Variants in PLB1 observed in about 807,000 individuals in gnomAD.
The protein encoded by PLB1 is phospholipase B1, membrane-associated.
A neutral mutation model predicts 227.4 loss-of-function variants in PLB1; 242 were observed. That is an observed-to-expected ratio of 1.06 (90% CI 0.96 to 1.18). The LOEUF (loss-of-function observed/expected upper bound fraction) is 1.18, where lower values mean the gene tolerates loss of function less well. PLB1 is among the 50% of genes most tolerant of loss of function. The probability of loss-of-function intolerance (pLI) is 0.00; values close to 1 mark genes in which losing one functional copy is unlikely to be tolerated. For synonymous variants in PLB1, 757 were observed against 682.2 expected (o/e 1.11, Z -1.71); for missense variants, 1,858 against 1,816.3 (o/e 1.02, Z -0.42).
chr2:28,523,927 C>T (rs1250127612), intron 4 of PLB1, among the ~76,000 whole-genome samples: 2 of 152,226 alleles, frequency 1.3e-5, no homozygotes, highest in African/African-American at 4.8e-5. Context: ...ATTACCTAAC[C>T]TGTCGGGTGT....
At chr2:28,589,967 C>G in intron 28 of PLB1, 38 bp from the exon 29 acceptor site, 1 of 1,582,522 alleles carries the variant, frequency 6.3e-7, no homozygotes, top group Non-Finnish European at 8.7e-7. Context: ...TTCTGGCCGC[C>G]TCTTCCTCAC....
intron 17 of PLB1, among the ~76,000 whole-genome samples, chr2:28,561,919 T>C (rs141533774): frequency 0.02 from 525 of 26,574 alleles, 2 homozygotes; most frequent in African/African-American, 0.033. Flanking sequence ...AATGTATTGA[T>C]ACATGCTATA....
chr2:28,533,112 G>T (rs1671233555), intron 9 of PLB1, among the ~76,000 whole-genome samples: 1 of 152,118 alleles, frequency 6.6e-6, no homozygotes, highest in African/African-American at 2.4e-5. Context: ...TCTGGAGGTG[G>T]TGGTTTCTTT....
intron 56 of PLB1, among the ~76,000 whole-genome samples, chr2:28,635,150 A>T (rs1428977282): frequency 6.6e-6 from 1 of 152,148 alleles, no homozygotes; most frequent in African/African-American, 2.4e-5. Context: ...AAAATAACAA[A>T]AACAAAACTA....
chr2:28,518,221 CCT>C (rs1669080917), intron 2 of PLB1, among the ~76,000 whole-genome samples: 1 of 152,094 alleles, frequency 6.6e-6, no homozygotes, highest in Non-Finnish European at 1.5e-5. Flanking sequence ...ATCTTTCTTC[CCT>C]CTCTACTCCA....
intron 13 of PLB1, among the ~76,000 whole-genome samples, 169 bp from the exon 14 acceptor site, chr2:28,543,043 C>T (rs1037180829): frequency 2.6e-5 from 4 of 152,160 alleles, no homozygotes; most frequent in Non-Finnish European, 5.9e-5. Context: ...GCCCTGACCC[C>T]AGACGGTGGT....
intron 9 of PLB1, among the ~76,000 whole-genome samples, chr2:28,535,412 G>C (rs867688450): frequency 3.9e-5 from 6 of 152,160 alleles, no homozygotes; most frequent in Admixed American, 1.3e-4. Context: ...CCTAGGCCTG[G>C]CTCCTTTGGC....
intron 44 of PLB1, among the ~76,000 whole-genome samples, 200 bp downstream of exon 44, chr2:28,614,296 C>T (rs542835487): frequency 1.1e-4 from 16 of 152,142 alleles, no homozygotes; most frequent in Non-Finnish European, 1.9e-4. Flanking sequence ...GCTTACCTGA[C>T]GTCAGCCCCC....
intron 53 of PLB1, 99 bp downstream of exon 53, chr2:28,629,284 C>A: frequency 9.4e-7 from 1 of 1,059,928 alleles, no homozygotes; most frequent in Non-Finnish European, 1.4e-6. Context: ...GCCAGGCAGG[C>A]CTGCCAGAGG....
At chr2:28,620,443 G>T (rs755936793) in intron 47 of PLB1, 111 bp downstream of exon 47, 4 of 1,341,404 alleles carry the variant, frequency 3.0e-6, no homozygotes, top group Admixed American at 4.6e-5. Context: ...AGGTCCCAGC[G>T]CTGAGACAGG....
In PLB1 at chr2:28,614,040, T is replaced by C. The variant is rs180979575; in HGVS notation, c.3139T>C (p.Phe1047Leu). Reference sequence around the variant, plus strand: ...TTTTTTTTTCTCTTAGAATGAGCCCTTCCTGAGAACCCCTCGGAATAGTAA... The same window carrying C: ...TTTTTTTTTCTCTTAGAATGAGCCCCTCCTGAGAACCCCTCGGAATAGTAA... ...PITCPTQNEP[F>L]LRTPRNSNYT... The change falls in exon 44 of 58, where the codon TTC (phenylalanine) becomes CTC (leucine). Residue 1047 changes from phenylalanine (F) to leucine (L), a missense_variant. By Grantham distance (22) the Phe-to-Leu change is conservative. Transcript: ENST00000327757. 50 of 1,612,430 alleles carry C rather than the reference T, an allele frequency of 3.1e-5. No homozygotes were observed. Among genetic ancestry groups the C allele is most frequent in the Admixed American group, 2.8e-4 (17 of 59,970 alleles).
In PLB1 at chr2:28,593,727, C is replaced by G; in HGVS notation, c.2294C>G (p.Thr765Ser). Residue 765 changes from threonine (T) to serine (S), a missense_variant, in exon 33 of 58, where the codon ACC (threonine) becomes AGC (serine). Physicochemically the swap from Thr to Ser is moderately conservative, Grantham distance 58. Coordinates refer to ENST00000327757, the MANE Select transcript of PLB1 (RefSeq NM_153021.5). ...AAACCAGACGACCTCCCCGATGTCACCACACAGTATCGGGGACTGTCATAC... is the reference window on the plus strand; with the variant it reads ...AAACCAGACGACCTCCCCGATGTCAGCACACAGTATCGGGGACTGTCATAC... ...GSKPDDLPDV[T>S]TQYRGLSYSA... 1.2e-6 allele frequency: 2 copies of G among 1,614,056 alleles called. No individual in the cohort carries two copies. The highest frequency in any genetic ancestry group is 1.7e-6 in the Non-Finnish European group (2 of 1,179,964).
At chr2:28,577,111 A>G (rs1341699026) in intron 21 of PLB1, among the ~76,000 whole-genome samples, 3 of 152,208 alleles carry the variant, frequency 2.0e-5, no homozygotes, top group Non-Finnish European at 4.4e-5. Flanking sequence ...TGAAGAAGGT[A>G]TGTTACCATG....
intron 16 of PLB1, among the ~76,000 whole-genome samples, chr2:28,551,344 A>C (rs1300188489): frequency 6.6e-6 from 1 of 152,048 alleles, no homozygotes; most frequent in Non-Finnish European, 1.5e-5. Flanking sequence ...GGCACCCTGC[A>C]CTCCTCTGGG....
chr2:28,633,128 A>G, intron 56 of PLB1, 89 bp downstream of exon 56: 1 of 1,144,312 alleles, frequency 8.7e-7, no homozygotes, highest in Non-Finnish European at 1.3e-6. Context: ...TACTGGAGAC[A>G]TGGCTCCTTT....
At chr2:28,635,893 G>T (rs1446721771) in intron 56 of PLB1, among the ~76,000 whole-genome samples, 1 of 152,178 alleles carries the variant, frequency 6.6e-6, no homozygotes, top group Non-Finnish European at 1.5e-5. Flanking sequence ...GACAGCTCCA[G>T]CCTCCTAACT....
intron 3 of PLB1, 109 bp downstream of exon 3, chr2:28,518,641 C>G: frequency 2.7e-6 from 2 of 750,490 alleles, no homozygotes; most frequent in East Asian, 5.1e-5. Flanking sequence ...TTCAAGTCCT[C>G]CTCTTCCTTA....
At chr2:28,556,748 C>T (rs1484681894) in intron 17 of PLB1, among the ~76,000 whole-genome samples, 1 of 152,136 alleles carries the variant, frequency 6.6e-6, no homozygotes, top group Non-Finnish European at 1.5e-5. Flanking sequence ...AAATTCCACA[C>T]AGTGGGAAAA....
chr2:28,584,048 C>T (rs1324261170), intron 25 of PLB1, among the ~76,000 whole-genome samples: 3 of 152,156 alleles, frequency 2.0e-5, no homozygotes, highest in Non-Finnish European at 4.4e-5. Context: ...CTGTGCTCCC[C>T]TACCCTGCCC....
Sources: gnomAD v4.1 joint callset for allele counts (sites outside exome capture counted in the v4.1 genomes callset) on GRCh38, gnomAD v4.1.1 for gene constraint, MANE v1.5 for transcripts, NCBI Gene and HGNC (gene_info 2026-07-23, HGNC 2026-07-21) for gene names.